The following SHANK2 variants were observed in gnomAD, a reference collection of about 807,000 sequenced individuals.
SHANK2 encodes SH3 and multiple ankyrin repeat domains 2.
A neutral mutation model predicts 133.7 loss-of-function variants in SHANK2; 43 were observed. The ratio of observed to expected loss-of-function variants is 0.32; its 90% CI spans 0.25 to 0.41. SHANK2 has a LOEUF of 0.41. SHANK2 is among the 10% of genes least tolerant of loss of function. The pLI is 1.00. For synonymous variants in SHANK2, 1,017 were observed against 952.8 expected (o/e 1.07, Z -1.24); for missense variants, 1,994 against 2,235.8 (o/e 0.89, Z 2.18).
At chr11:70,603,535 T>C (rs1334560379) in intron 17 of SHANK2, 2 of 152,274 alleles carry the variant, frequency 1.3e-5, no homozygotes, top group Non-Finnish European at 1.5e-5. Context: ...AAATCATTCT[T>C]GAGCAGGTGA....
At chr11:71,212,191 G>A (rs1206099295) in intron 2 of SHANK2, among the ~76,000 whole-genome samples, 3 of 152,064 alleles carry the variant, frequency 2.0e-5, no homozygotes, top group East Asian at 1.9e-4. Flanking sequence ...ATTAAAAACC[G>A]GATGTTAACT....
At chr11:70,758,655 C>G (rs541502015) in intron 14 of SHANK2, among the ~76,000 whole-genome samples, 32 of 152,298 alleles carry the variant, frequency 2.1e-4, no homozygotes, top group Non-Finnish European at 5.9e-5. Context: ...CTTGGGAGCT[C>G]TAAGAACAAG....
intron 17 of SHANK2, among the ~76,000 whole-genome samples, chr11:70,530,334 G>C (rs1470608077): frequency 6.6e-6 from 1 of 152,076 alleles, no homozygotes; most frequent in Non-Finnish European, 1.5e-5. Flanking sequence ...CCAGGAGTTC[G>C]AGATCAGCCT....
At chr11:71,112,507 G>A (rs1270101329) in intron 5 of SHANK2, among the ~76,000 whole-genome samples, 1 of 152,170 alleles carries the variant, frequency 6.6e-6, no homozygotes, top group East Asian at 1.9e-4. Flanking sequence ...GCAGCTGCAG[G>A]GGAGCTCACC....
chr11:71,110,298 C>T (rs999211506), intron 5 of SHANK2, among the ~76,000 whole-genome samples: 3 of 152,094 alleles, frequency 2.0e-5, no homozygotes, highest in Non-Finnish European at 2.9e-5. Flanking sequence ...ATTAGTCAGG[C>T]GTGGTGGCGG....
intron 2 of SHANK2, among the ~76,000 whole-genome samples, chr11:71,151,272 G>A (rs1198376241): frequency 2.4e-5 from 3 of 125,552 alleles, no homozygotes; most frequent in African/African-American, 1.3e-4. Context: ...AGTTCACCAG[G>A]AACCAACACT....
intron 17 of SHANK2, among the ~76,000 whole-genome samples, chr11:70,658,616 CTCCAATAGTCTCTTCCCTTCTGACT>C (rs2061441701): frequency 6.6e-6 from 1 of 152,236 alleles, no homozygotes; most frequent in African/African-American, 2.4e-5. Flanking sequence ...TTACCTGGCT[CTCCAATAGTCTCTTCCCTTCTGACT>C]TTCCATTGCC....
intron 14 of SHANK2, among the ~76,000 whole-genome samples, chr11:70,719,096 C>T (rs375873558): frequency 1.8e-4 from 27 of 152,346 alleles, no homozygotes; most frequent in African/African-American, 6.0e-4. Flanking sequence ...GTGAAGAGCA[C>T]GTCAGGTGCC....
chr11:70,735,377 G>C (rs112820883), intron 14 of SHANK2, among the ~76,000 whole-genome samples: 2 of 152,238 alleles, frequency 1.3e-5, no homozygotes, highest in African/African-American at 4.8e-5. Context: ...AGGCTTCCTG[G>C]GGTCCCGCAA....
intron 10 of SHANK2, among the ~76,000 whole-genome samples, chr11:70,947,138 C>G (rs1245575039): frequency 2.9e-3 from 44 of 15,192 alleles, no homozygotes; most frequent in African/African-American, 8.9e-3. Flanking sequence ...CTCCAACACA[C>G]ACACACACAC....
At position 70,893,935 on chromosome 11, in the gene SHANK2, G is replaced by A. The variant is rs574053517; in HGVS notation, c.1174+2566C>T. On this transcript the variant is annotated intron_variant, in intron 11 of 25. Coordinates refer to ENST00000601538, the MANE Select transcript of SHANK2 (RefSeq NM_012309.5). Reference sequence around the variant, plus strand: ...TGGTGGGTGCCCCCCTCTCTCAATGGGGGGTGCTGTTTACAGTTAACAATT... The same window carrying A: ...TGGTGGGTGCCCCCCTCTCTCAATGAGGGGTGCTGTTTACAGTTAACAATT... 2.5e-4 allele frequency among the ~76,000 whole-genome samples: 38 copies of A among 152,298 alleles called. No individual in the cohort carries two copies. The East Asian group carries it at 5.8e-3, about 23-fold the overall frequency.
In SHANK2 at chr11:70,587,863, C is replaced by G. The variant is rs1174082654; in HGVS notation, c.2061+71965G>C. On this transcript the variant is annotated intron_variant, in intron 17 of 25. Transcript: ENST00000601538. The stretch of plus-strand genomic sequence containing the variant: ...GGGATTCTGGGTGTGAGCCACTGTG[C>G]CTGGCCTGAGGCAAGTAAATCTGTT... Among the ~76,000 whole-genome samples the G allele has an allele frequency of 1.2e-4, 18 of 152,150 alleles. 2 individuals carry two copies. The highest frequency in any genetic ancestry group is 1.2e-3 in the Admixed American group (18 of 15,280).
intron 17 of SHANK2, among the ~76,000 whole-genome samples, chr11:70,653,484 C>G (rs1352518194): frequency 6.6e-6 from 1 of 151,048 alleles, no homozygotes; most frequent in Non-Finnish European, 1.5e-5. Flanking sequence ...GCTCTGTTGC[C>G]CAGGCTGGAG....
intron 2 of SHANK2, among the ~76,000 whole-genome samples, chr11:71,185,236 C>G (rs1953646308): frequency 6.6e-6 from 1 of 152,212 alleles, no homozygotes; most frequent in Admixed American, 6.5e-5. Context: ...TCCAGACCAT[C>G]TACACTCAAT....
chr11:70,558,090 C>A (rs2136114482), intron 17 of SHANK2, among the ~76,000 whole-genome samples: 1 of 152,290 alleles, frequency 6.6e-6, no homozygotes, highest in Middle Eastern at 3.4e-3. Flanking sequence ...TGCTCTCTGG[C>A]TGTTCCGTGG....
At chr11:71,232,348 C>G (rs967862918) in intron 1 of SHANK2, among the ~76,000 whole-genome samples, 2 of 152,074 alleles carry the variant, frequency 1.3e-5, no homozygotes, top group African/African-American at 4.8e-5. Context: ...TCGTACTGAC[C>G]CAGGACGAGA....
intron 1 of SHANK2, among the ~76,000 whole-genome samples, chr11:71,233,225 C>T (rs1555123201): frequency 1.3e-5 from 2 of 152,144 alleles, no homozygotes; most frequent in Non-Finnish European, 2.9e-5. Flanking sequence ...CCCAACATCC[C>T]TAAGCTGAGG....
chr11:70,755,769 G>A (rs73529961), intron 14 of SHANK2, among the ~76,000 whole-genome samples: 2,175 of 152,336 alleles, frequency 0.014, 53 homozygotes, highest in African/African-American at 0.049. Context: ...GGCCACAAGA[G>A]GGAAGACACC....
At chr11:71,132,456 T>C (rs113469209) in intron 3 of SHANK2, among the ~76,000 whole-genome samples, 4 of 152,158 alleles carry the variant, frequency 2.6e-5, no homozygotes, top group African/African-American at 9.7e-5. Context: ...ACAGAACTTG[T>C]AGTAATTCCA....
Sources: allele counts gnomAD v4.1 joint callset (sites outside exome capture counted in the v4.1 genomes callset), GRCh38; gene constraint gnomAD v4.1.1; transcripts MANE v1.5; gene names NCBI Gene and HGNC (gene_info 2026-07-23, HGNC 2026-07-21).